Variants in ZNF385D observed in about 807,000 individuals in gnomAD.
The protein encoded by ZNF385D is zinc finger protein 659.
In ZNF385D, 15 loss-of-function variants were observed where a neutral mutation model predicts 35.8. The observed-to-expected ratio is 0.42, with a 90% CI of 0.28 to 0.64. The LOEUF (loss-of-function observed/expected upper bound fraction) is 0.64. Ranked by LOEUF, ZNF385D falls within the 30% of genes least tolerant of loss-of-function variation. ZNF385D has a pLI of 0.23. For synonymous variants in ZNF385D, 212 were observed against 186.8 expected, an observed-to-expected ratio of 1.13 and a Z score of -1.10; for missense variants, 474 against 494.6, an observed-to-expected ratio of 0.96 and a Z score of 0.39.
intron 3 of ZNF385D, among the ~76,000 whole-genome samples, chr3:21,799,017 A>G (rs969760043): frequency 3.3e-5 from 5 of 152,084 alleles, no homozygotes; most frequent in African/African-American, 1.2e-4. Context: ...CTATGGATTC[A>G]CCTATCCTGA....
At chr3:22,216,518 A>T (rs1014047227) in intron 2 of ZNF385D, among the ~76,000 whole-genome samples, 15 of 152,114 alleles carry the variant, frequency 9.9e-5, no homozygotes, top group Non-Finnish European at 7.4e-5. Context: ...GGTTTCAAGT[A>T]ACAGAAAATC....
chr3:22,059,315 G>A (rs1157331553), intron 3 of ZNF385D, among the ~76,000 whole-genome samples: 1 of 152,160 alleles, frequency 6.6e-6, no homozygotes, highest in East Asian at 1.9e-4. Context: ...ATGAAAGGGA[G>A]AAGTGTGTAG....
chr3:22,150,544 A>G (rs1477727500), intron 3 of ZNF385D, among the ~76,000 whole-genome samples: 9 of 152,130 alleles, frequency 5.9e-5, no homozygotes, highest in African/African-American at 2.2e-4. Flanking sequence ...AGTTATTTAC[A>G]TAGAAGGCAT....
intron 3 of ZNF385D, among the ~76,000 whole-genome samples, chr3:22,038,060 C>T (rs1212915889): frequency 2.0e-5 from 3 of 152,064 alleles, no homozygotes; most frequent in Admixed American, 6.6e-5. Flanking sequence ...TTCCTTACAC[C>T]TTATACAAAA....
chr3:21,758,380 C>G (rs1283834185), intron 3 of ZNF385D, among the ~76,000 whole-genome samples: 1 of 152,162 alleles, frequency 6.6e-6, no homozygotes, highest in Non-Finnish European at 1.5e-5. Flanking sequence ...ATTTAGGAAG[C>G]AGCAACTCTT....
chr3:22,163,384 C>G (rs1706098441), intron 3 of ZNF385D, among the ~76,000 whole-genome samples: 1 of 152,074 alleles, frequency 6.6e-6, no homozygotes, highest in South Asian at 2.1e-4. Context: ...AACAATAGCC[C>G]CCTAATTAAT....
chr3:21,518,171 T>A (rs939537804), intron 3 of ZNF385D, among the ~76,000 whole-genome samples: 4 of 152,208 alleles, frequency 2.6e-5, no homozygotes, highest in African/African-American at 9.6e-5. Flanking sequence ...ATTTGAAGAT[T>A]GAACATTTTT....
chr3:21,916,416 TTTAA>T (rs575022104), intron 3 of ZNF385D, among the ~76,000 whole-genome samples: 104 of 152,296 alleles, frequency 6.8e-4, no homozygotes, highest in Admixed American at 1.8e-3. Flanking sequence ...TAATGCATAT[TTTAA>T]CTTTTACACT....
intron 2 of ZNF385D, among the ~76,000 whole-genome samples, chr3:22,224,184 A>G (rs1276333163): frequency 6.6e-6 from 1 of 152,214 alleles, no homozygotes; most frequent in African/African-American, 2.4e-5. Context: ...ATATAAGTAT[A>G]AATGAATTCA....
chr3:21,772,247 T>A (rs534106050), intron 3 of ZNF385D, among the ~76,000 whole-genome samples: 53 of 151,990 alleles, frequency 3.5e-4, no homozygotes, highest in African/African-American at 1.2e-3. Flanking sequence ...AAAAATTTTT[T>A]AAAAATGTTC....
At chr3:21,422,686 T>C (rs1297936109) in intron 7 of ZNF385D, among the ~76,000 whole-genome samples, 1 of 152,216 alleles carries the variant, frequency 6.6e-6, no homozygotes, top group African/African-American at 2.4e-5. Flanking sequence ...TGGTTCAACA[T>C]ATGCAAATCA....
At chr3:22,273,983 A>G (rs1319351978) in intron 2 of ZNF385D, among the ~76,000 whole-genome samples, 2 of 152,068 alleles carry the variant, frequency 1.3e-5, no homozygotes, top group Non-Finnish European at 2.9e-5. Flanking sequence ...AGCAAAGTAT[A>G]TTCTGGTAGC....
rs111666002 is a variant in ZNF385D at position 21,988,808 on chromosome 3, A to C, written c.325+180009T>G. On this transcript the variant is annotated intron_variant, in intron 3 of 5. Transcript: ENST00000494108. ...CAGTTTGATCTCAGACTGCTGTGCT[A>C]GCAATCAGCGAGACTCCGTGGGCGT... 4.8e-3 allele frequency among the ~76,000 whole-genome samples: 728 copies of C among 152,160 alleles called. 7 individuals are homozygous for C. The highest frequency in any genetic ancestry group is 0.016 in the African/African-American group (683 of 41,514).
chr3:21,670,647 GGCGCCCCCCC>G lies in ZNF385D; in HGVS notation c.23-5629_23-5620del, dbSNP rs1426460929. Reference sequence around the variant, plus strand: ...CTGAGAAATAAAAATGAAATCCTAAGGCGCCCCCCCCCCCCCCCCCCCCCCCAATGACTGA... The same window carrying G: ...CTGAGAAATAAAAATGAAATCCTAAGCCCCCCCCCCCCCCCCAATGACTGA... On this transcript the variant is annotated intron_variant, in intron 1 of 7. Coordinates refer to ENST00000281523, the MANE Select transcript of ZNF385D (RefSeq NM_024697.3). Among the ~76,000 whole-genome samples, 8 of 15,756 alleles carry G rather than the reference GGCGCCCCCCC, an allele frequency of 5.1e-4. 1 individual carries two copies. Among genetic ancestry groups the G allele is most frequent in the African/African-American group, 7.4e-4 (3 of 4,072 alleles). 10.3% of individuals were successfully genotyped at this position (15,756 alleles called of 152,430 possible). A position where few individuals can be genotyped will look rare whatever the true frequency, so the allele number is the denominator to read the frequency against.
At chr3:22,165,822 G>T (rs768375177) in intron 3 of ZNF385D, among the ~76,000 whole-genome samples, 1 of 151,902 alleles carries the variant, frequency 6.6e-6, no homozygotes. Flanking sequence ...CACAGGCCAG[G>T]GTCCTTAGAA....
At chr3:21,873,054 TTC>T (rs1270294081) in intron 3 of ZNF385D, among the ~76,000 whole-genome samples, 3 of 152,122 alleles carry the variant, frequency 2.0e-5, no homozygotes, top group African/African-American at 7.2e-5. Flanking sequence ...TAAAATTTAA[TTC>T]TCTCTTTTAA....
chr3:21,643,120 A>G lies in ZNF385D; in HGVS notation c.165+21766T>C, dbSNP rs2065654750. ...TATCACCAAAAAAAGAAAGCAGAAA[A>G]AAATGTATTTTAAAAAGCCAATGTT... On this transcript the variant is annotated intron_variant, in intron 2 of 7. Coordinates refer to ENST00000281523, the MANE Select transcript of ZNF385D (RefSeq NM_024697.3). 2.0e-5 allele frequency among the ~76,000 whole-genome samples: 3 copies of G among 152,146 alleles called. No homozygotes were observed. In the South Asian group the frequency reaches 6.2e-4, roughly 31 times the overall value.
intron 3 of ZNF385D, among the ~76,000 whole-genome samples, chr3:22,058,063 A>G (rs1269520722): frequency 1.3e-5 from 2 of 152,182 alleles, no homozygotes. Context: ...TGTTGGCTAT[A>G]CACACCCTTC....
At chr3:22,356,198 T>C (rs1344645303) in intron 2 of ZNF385D, among the ~76,000 whole-genome samples, 1 of 152,006 alleles carries the variant, frequency 6.6e-6, no homozygotes, top group East Asian at 1.9e-4. Flanking sequence ...CACACAACAA[T>C]GCATCTATGT....
Sources: gnomAD v4.1 joint callset for allele counts (sites outside exome capture counted in the v4.1 genomes callset) on GRCh38, gnomAD v4.1.1 for gene constraint, MANE v1.5 for transcripts, NCBI Gene and HGNC (gene_info 2026-07-23, HGNC 2026-07-21) for gene names.